Variants in PRKCQ observed in about 807,000 individuals in gnomAD.
The protein encoded by PRKCQ is protein kinase C theta.
PRKCQ carries 41 observed loss-of-function variants against 91.2 expected under a neutral mutation model. The observed-to-expected ratio is 0.45, with a 90% confidence interval of 0.35 to 0.58. PRKCQ has a LOEUF of 0.58. Ranked by LOEUF, PRKCQ falls within the 20% of genes least tolerant of loss-of-function variation. PRKCQ has a pLI of 0.00. For missense variants in PRKCQ, 673 were observed against 896.5 expected (o/e 0.75, Z 3.18); for synonymous variants, 307 against 316.9 (o/e 0.97, Z 0.33).
At chr10:6,440,078 C>T (rs1212806092) in intron 16 of PRKCQ, among the ~76,000 whole-genome samples, 2 of 152,174 alleles carry the variant, frequency 1.3e-5, no homozygotes, top group Non-Finnish European at 2.9e-5. Context: ...GGGGCTTCCC[C>T]CTTCCCGCTT....
chr10:6,513,124 A>G (rs1312336648), intron 2 of PRKCQ, among the ~76,000 whole-genome samples: 2 of 152,190 alleles, frequency 1.3e-5, no homozygotes, highest in Admixed American at 6.5e-5. Flanking sequence ...GGCCCTATCT[A>G]TGTAGAGTGT....
chr10:6,507,101 T>C (rs908007755), intron 4 of PRKCQ, among the ~76,000 whole-genome samples: 5 of 152,258 alleles, frequency 3.3e-5, no homozygotes, highest in Admixed American at 6.5e-5. Context: ...CATTTAACCA[T>C]AGACAATGTG....
intron 12 of PRKCQ, among the ~76,000 whole-genome samples, chr10:6,470,746 T>C (rs1432268503): frequency 2.0e-5 from 3 of 150,980 alleles, no homozygotes; most frequent in African/African-American, 7.3e-5. Flanking sequence ...AGGTCAGGAG[T>C]TCAAGACCAG....
the PRKCQ span, among the ~76,000 whole-genome samples, chr10:6,413,614 G>A: frequency 4.1e-3 from 333 of 80,416 alleles, 89 homozygotes; most frequent in Middle Eastern, 0.026. Flanking sequence ...ACACTAGGAA[G>A]CACTGGATTA....
intron 14 of PRKCQ, among the ~76,000 whole-genome samples, chr10:6,460,531 G>A (rs979039055): frequency 6.7e-6 from 1 of 149,542 alleles, no homozygotes; most frequent in Non-Finnish European, 1.5e-5. Context: ...TTGCTCTGTT[G>A]CCCAGGCTGG....
At chr10:6,395,148 C>A in the PRKCQ span, among the ~76,000 whole-genome samples, 1 of 149,042 alleles carries the variant, frequency 6.7e-6, no homozygotes, top group Non-Finnish European at 1.5e-5. Context: ...ACTGCAAGCT[C>A]CGCCTCCCGG....
At chr10:6,564,240 C>T (rs1435981800) in intron 1 of PRKCQ, among the ~76,000 whole-genome samples, 1 of 152,146 alleles carries the variant, frequency 6.6e-6, no homozygotes, top group Admixed American at 6.5e-5. Flanking sequence ...GATCCTCTAC[C>T]GCACATCTTC....
At chr10:6,481,323 T>C (rs1011474263) in intron 11 of PRKCQ, among the ~76,000 whole-genome samples, 8 of 152,238 alleles carry the variant, frequency 5.3e-5, no homozygotes, top group Non-Finnish European at 8.8e-5. Context: ...CTTTTAGTAA[T>C]TGCTTCTTTC....
At chr10:6,454,635 G>A (rs1207141308) in intron 15 of PRKCQ, among the ~76,000 whole-genome samples, 3 of 152,106 alleles carry the variant, frequency 2.0e-5, no homozygotes, top group East Asian at 1.9e-4. Flanking sequence ...AAAGAGTGAA[G>A]TAGGGAGCAA....
At chr10:6,416,863 C>T in the PRKCQ span, among the ~76,000 whole-genome samples, 1 of 152,182 alleles carries the variant, frequency 6.6e-6, no homozygotes, top group African/African-American at 2.4e-5. Flanking sequence ...TCACCACATC[C>T]CTGCCAACAT....
chr10:6,507,570 T>C (rs2130849152), intron 3 of PRKCQ, 74 bp from the exon 4 acceptor site: 1 of 1,279,286 alleles, frequency 7.8e-7, no homozygotes, highest in African/African-American at 1.5e-5. Context: ...CACTGGCTAC[T>C]GACGATGGCA....
intron 1 of PRKCQ, among the ~76,000 whole-genome samples, chr10:6,541,474 T>C (rs527620940): frequency 1.2e-4 from 19 of 152,162 alleles, no homozygotes; most frequent in Non-Finnish European, 2.5e-4. Flanking sequence ...GACCCCCTTT[T>C]CCTGGATCTG....
intron 1 of PRKCQ, among the ~76,000 whole-genome samples, chr10:6,564,451 C>A (rs561748946): frequency 3.1e-4 from 47 of 152,262 alleles, no homozygotes; most frequent in African/African-American, 1.0e-3. Context: ...CTCTGCTGCC[C>A]CTCCTTGATC....
chr10:6,424,747 C>A (rs1352763147), downstream of PRKCQ, among the ~76,000 whole-genome samples: 1 of 152,132 alleles, frequency 6.6e-6, no homozygotes, highest in Non-Finnish European at 1.5e-5. Context: ...TCTTGCTGGA[C>A]GGGATCTGAG....
intron 1 of PRKCQ, among the ~76,000 whole-genome samples, chr10:6,563,381 A>T (rs1346381601): frequency 6.6e-6 from 1 of 151,910 alleles, no homozygotes. Context: ...AGTCCAGGTC[A>T]GGGCTCTCCC....
intron 1 of PRKCQ, among the ~76,000 whole-genome samples, chr10:6,550,992 TTCTC>T (rs1487756375): frequency 2.0e-5 from 3 of 152,216 alleles, no homozygotes; most frequent in Non-Finnish European, 4.4e-5. Context: ...GTTGAGCATC[TTCTC>T]TTTTTTTTAA....
At chr10:6,428,726 GA>G (rs1300812728) in intron 17 of PRKCQ, among the ~76,000 whole-genome samples, 1 of 152,182 alleles carries the variant, frequency 6.6e-6, no homozygotes, top group Admixed American at 6.5e-5. Context: ...ACAAGGTGGG[GA>G]TAAGGGAGGG....
chr10:6,534,093 T>C (rs955869618), intron 1 of PRKCQ, among the ~76,000 whole-genome samples: 1 of 24,010 alleles, frequency 4.2e-5, no homozygotes, highest in Non-Finnish European at 2.5e-4. Flanking sequence ...AATATTTAAT[T>C]ATTTAATATC....
At chr10:6,568,899 G>A (rs866838177) in intron 1 of PRKCQ, among the ~76,000 whole-genome samples, 4 of 152,084 alleles carry the variant, frequency 2.6e-5, no homozygotes, top group Middle Eastern at 3.2e-3. Flanking sequence ...AGGGGAGATG[G>A]AGTCTTTGCA....
Sources: gnomAD v4.1 joint callset for allele counts (sites outside exome capture counted in the v4.1 genomes callset) on GRCh38, gnomAD v4.1.1 for gene constraint, MANE v1.5 for transcripts, NCBI Gene and HGNC (gene_info 2026-07-23, HGNC 2026-07-21) for gene names.